SV2B: variants seen among roughly 807,000 people sequenced by gnomAD.
SV2B encodes the protein solute carrier family 22 member B2.
SV2B carries 41 observed loss-of-function variants against 73.9 expected under a neutral mutation model. That is an observed-to-expected ratio of 0.56 (90% CI 0.43 to 0.72). The LOEUF (loss-of-function observed/expected upper bound fraction) is 0.72. Among genes scored for constraint, SV2B ranks in the 30% least tolerant of loss-of-function variants. The pLI is 0.00. For synonymous variants in SV2B, 314 were observed against 314.2 expected, an observed-to-expected ratio of 1.00 and a Z score of 0.01; for missense variants, 764 against 857.8, an observed-to-expected ratio of 0.89 and a Z score of 1.37.
chr15:91,293,368 G>C lies in SV2B; in HGVS notation c.*816G>C, dbSNP rs2049112416. On this transcript the variant is annotated 3_prime_UTR_variant, in exon 13 of 13. Coordinates refer to ENST00000394232, the MANE Select transcript of SV2B (RefSeq NM_001323032.3). The stretch of plus-strand genomic sequence containing the variant: ...TTTGAGGTCCCAGGAAATGAGGTCT[G>C]ATCAAATGAAATGCAAGCACAATTT... 1 of 152,216 alleles carries C rather than the reference G, an allele frequency of 6.6e-6. No individual in the cohort carries two copies. 9.4% of individuals were successfully genotyped at this position (152,216 alleles called of 1,614,324 possible). A position where few individuals can be genotyped will look rare whatever the true frequency, so the allele number is the denominator to read the frequency against.
At chr15:91,100,236 C>T (rs1301796550), upstream of SV2B, 1 of 152,078 alleles carries the variant, frequency 6.6e-6, no homozygotes, top group Non-Finnish European at 1.5e-5. The surrounding 1 kb of genome is among the most constrained non-coding windows in gnomAD (Gnocchi z 6.4). Flanking sequence ...GCAGGTGTGA[C>T]ACCCGCCGGC....
chr15:91,116,021 TTC>T (rs2042169818), intron 1 of SV2B, among the ~76,000 whole-genome samples: 3 of 152,172 alleles, frequency 2.0e-5, no homozygotes, highest in Non-Finnish European at 4.4e-5. Context: ...TATTATATGC[TTC>T]AGAATTTCTA....
At chr15:91,204,630 C>T (rs2045572854) in intron 1 of SV2B, among the ~76,000 whole-genome samples, 1 of 149,616 alleles carries the variant, frequency 6.7e-6, no homozygotes, top group Admixed American at 6.7e-5. Context: ...GGTCACAGCT[C>T]ACTGTAGCCT....
chr15:91,154,615 G>A (rs572064403), intron 1 of SV2B, among the ~76,000 whole-genome samples: 7 of 152,184 alleles, frequency 4.6e-5, no homozygotes, highest in Admixed American at 3.9e-4. Context: ...AGGTCATAGT[G>A]GATTAGAGTG....
At chr15:91,166,285 G>A (rs1026617119) in intron 1 of SV2B, among the ~76,000 whole-genome samples, 5 of 152,032 alleles carry the variant, frequency 3.3e-5, no homozygotes, top group African/African-American at 1.2e-4. Context: ...CTCTGGGGAG[G>A]CAAAACCAAC....
intron 11 of SV2B, among the ~76,000 whole-genome samples, chr15:91,286,800 C>T (rs183227007): frequency 2.7e-3 from 410 of 152,184 alleles, no homozygotes; most frequent in African/African-American, 7.9e-3. Context: ...GTAAATAAGC[C>T]GGCATTTGCA....
intron 1 of SV2B, among the ~76,000 whole-genome samples, chr15:91,170,381 G>A (rs112396280): frequency 0.28 from 42,316 of 151,972 alleles, 6,187 homozygotes; most frequent in Middle Eastern, 0.34. Context: ...TCCACCTCCC[G>A]GGTTCAAGTG....
chr15:91,114,504 G>C (rs975383448), intron 1 of SV2B, among the ~76,000 whole-genome samples: 1 of 152,166 alleles, frequency 6.6e-6, no homozygotes, highest in African/African-American at 2.4e-5. Flanking sequence ...GGCCTCGCTG[G>C]CCCTGACAAT....
intron 1 of SV2B, among the ~76,000 whole-genome samples, chr15:91,170,739 A>T (rs763836289): frequency 6.6e-5 from 10 of 152,258 alleles, no homozygotes; most frequent in Non-Finnish European, 1.3e-4. Context: ...GCTTGGCATC[A>T]GGCAAGTACT....
intron 6 of SV2B, among the ~76,000 whole-genome samples, chr15:91,260,741 C>G (rs2047881096): frequency 6.6e-6 from 1 of 152,124 alleles, no homozygotes; most frequent in South Asian, 2.1e-4. Flanking sequence ...ATTGGACTTA[C>G]AGTTCCGCAT....
chr15:91,125,800 A>AAAAAAAAAAAAAAAAAAAAAC (rs2042464712), intron 1 of SV2B, among the ~76,000 whole-genome samples: 1 of 150,342 alleles, frequency 6.7e-6, no homozygotes. Context: ...AAAAAAAAAA[A>AAAAAAAAAAAAAAAAAAAAAC]TTCAGTCATT....
rs1353619428 is a variant in SV2B, at chr15:91,232,131, T to A, written c.451+5417T>A. ...CTGAAAGGAGGAGCCACTCTGTGTC[T>A]CAGAAGGGGGTGGCATGGAGGGGGG... is the stretch of plus-strand genomic sequence containing the variant. On this transcript the variant is annotated intron_variant, in intron 2 of 12. Coordinates refer to ENST00000394232, the MANE Select transcript of SV2B (RefSeq NM_001323032.3). The surrounding 1 kb of genome is among the most constrained non-coding windows in gnomAD (Gnocchi z 4.7). 6.6e-6 allele frequency among the ~76,000 whole-genome samples: 1 copy of A among 152,110 alleles called. No individual in the cohort carries two copies. Among genetic ancestry groups the A allele is most frequent in the Non-Finnish European group, 1.5e-5 (1 of 68,024 alleles).
chr15:91,224,685 C>T lies in SV2B; in HGVS notation c.-391-1188C>T, dbSNP rs2046318823. On this transcript the variant is annotated intron_variant, in intron 1 of 12. Coordinates refer to ENST00000394232, the MANE Select transcript of SV2B (RefSeq NM_001323032.3). This position sits in a 1 kb window ranked among gnomAD's most constrained non-coding sequence, Gnocchi z 4.9. Reference sequence around the variant, plus strand: ...TGTGACCTTGATCGCGTTACTAACCCACTCGGAGACAGTTTGATTATCTCT... The same window carrying T: ...TGTGACCTTGATCGCGTTACTAACCTACTCGGAGACAGTTTGATTATCTCT... Among the ~76,000 whole-genome samples, 1 of 152,182 alleles carries T rather than the reference C, an allele frequency of 6.6e-6. No individual in the cohort carries two copies. The highest frequency in any genetic ancestry group is 6.5e-5 in the Admixed American group (1 of 15,290).
rs2048993070 is a variant in SV2B, at chr15:91,290,129, A to T, written c.1868+449A>T. ...AATGTGGCAGGGAGGCCCAGGGGTT[A>T]CTTTTATTTTGCACAGGTCGTATAT... On this transcript the variant is annotated intron_variant, in intron 12 of 12. Coordinates refer to ENST00000394232, the MANE Select transcript of SV2B (RefSeq NM_001323032.3). This position sits in a 1 kb window ranked among gnomAD's most constrained non-coding sequence, Gnocchi z 4.7. 6.6e-6 allele frequency among the ~76,000 whole-genome samples: 1 copy of T among 152,178 alleles called. No homozygotes were observed. The highest frequency in any genetic ancestry group is 2.4e-5 in the African/African-American group (1 of 41,436).
chr15:91,191,084 T>TTTTTTTTTTTTTTTTTTTA (rs2045006912), intron 1 of SV2B, among the ~76,000 whole-genome samples: 1 of 138,284 alleles, frequency 7.2e-6, no homozygotes, highest in African/African-American at 3.0e-5. Context: ...TTTTTTTTTT[T>TTTTTTTTTTTTTTTTTTTA]GACAGAGTCT....
rs372020741 is a variant in SV2B at position 91,251,851 on chromosome 15, G to A, written c.484G>A (p.Ala162Thr). The A allele has an allele frequency of 1.2e-5, 19 of 1,613,960 alleles. No homozygotes were observed. Among genetic ancestry groups the A allele is most frequent in the South Asian group, 6.6e-5 (6 of 91,080 alleles). ...AGTCTACTTGGGAATGATGGCGGGC[G>A]CCTTCATCCTGGGAGGCCTGGCTGA... ...MIVYLGMMAG[A>T]FILGGLADKL... Residue 162 changes from alanine (A) to threonine (T), a missense_variant, in exon 3 of 13, where the codon GCC becomes ACC. Ala to Thr is a moderately conservative substitution (Grantham distance 58). Transcript: ENST00000394232.
At position 91,300,791 on chromosome 15, in the gene SV2B, C is replaced by A. The variant is rs2049417437; in HGVS notation, c.*8239C>A. The A allele has an allele frequency of 6.6e-6, 1 of 152,252 alleles. No individual in the cohort carries two copies. The highest frequency in any genetic ancestry group is 2.1e-4 in the South Asian group (1 of 4,826). 9.4% of individuals were successfully genotyped at this position (152,252 alleles called of 1,614,324 possible). ...TAGTAATGTCCGCTACAACACCACG[C>A]TCCCGGAATGGTGGTTCCTAAGAGC... On this transcript the variant is annotated 3_prime_UTR_variant, in exon 13 of 13. Coordinates refer to ENST00000394232, the MANE Select transcript of SV2B (RefSeq NM_001323032.3).
intron 1 of SV2B, among the ~76,000 whole-genome samples, chr15:91,144,561 ATC>A (rs2043090981): frequency 6.6e-6 from 1 of 152,192 alleles, no homozygotes. Context: ...TGATGTGTGC[ATC>A]TTTTCTAGTG....
At position 91,296,192 on chromosome 15, in the gene SV2B, GAGGGACAT is replaced by G. The variant is rs946869599; in HGVS notation, c.*3641_*3648del. On this transcript the variant is annotated 3_prime_UTR_variant, in exon 13 of 13. Coordinates refer to ENST00000394232, the MANE Select transcript of SV2B (RefSeq NM_001323032.3). ...GAAGAGATAGGGGCCAGGAATGCAA[GAGGGACAT>G]TGGTGAGTGGGGTAAGAATCCCCGT... 3.9e-5 allele frequency: 6 copies of G among 152,246 alleles called. No homozygotes were observed. Among genetic ancestry groups the G allele is most frequent in the African/African-American group, 1.4e-4 (6 of 41,446 alleles). 9.4% of individuals were successfully genotyped at this position (152,246 alleles called of 1,614,324 possible).
Sources: gnomAD v4.1 joint callset for allele counts (sites outside exome capture counted in the v4.1 genomes callset) on GRCh38, gnomAD v4.1.1 for gene constraint, Gnocchi (gnomAD v3.1) non-coding constraint, MANE v1.5 for transcripts, NCBI Gene and HGNC (gene_info 2026-07-23, HGNC 2026-07-21) for gene names.